The following MYNN variants were observed in gnomAD, a reference collection of about 807,000 sequenced individuals.
MYNN encodes myoneurin.
In MYNN, 22 loss-of-function variants were observed where a neutral mutation model predicts 57.2. The observed-to-expected ratio is 0.38, with a 90% confidence interval of 0.27 to 0.55. The LOEUF is 0.55. Among genes scored for constraint, MYNN ranks in the 20% least tolerant of loss-of-function variants. The probability of loss-of-function intolerance (pLI) is 0.71; values close to 1 mark genes in which losing one functional copy is unlikely to be tolerated. For synonymous variants in MYNN, 241 were observed against 257.1 expected (o/e 0.94, Z 0.60); for missense variants, 566 against 723.1 (o/e 0.78, Z 2.49).
chr3:169,778,972 A>G lies in MYNN; in HGVS notation c.471A>G (p.Glu157=). 6.2e-7 allele frequency: 1 copy of G among 1,613,798 alleles called. No homozygotes were observed. Among genetic ancestry groups the G allele is most frequent in the Non-Finnish European group, 8.5e-7 (1 of 1,180,012 alleles). ...ATTATAATAATCGAGAGAAATCAGA[A>G]GTATCTACAGATTTGATTCAGGCAA... is the stretch of plus-strand genomic sequence containing the variant. ...LRDYNNREKS[E]VSTDLIQANP... is the part of the protein sequence containing the mutation. The change falls in exon 3 of 8, where the codon GAA becomes GAG. Residue 157 remains glutamate, a synonymous_variant. Coordinates refer to ENST00000349841, the MANE Select transcript of MYNN (RefSeq NM_018657.5).
At chr3:169,779,594 A>C (rs776135712) in intron 3 of MYNN, 33 bp downstream of exon 3, 1 of 1,585,568 alleles carries the variant, frequency 6.3e-7, no homozygotes, top group East Asian at 2.2e-5. Context: ...TATTATTTTT[A>C]TACTGTGACT....
chr3:169,778,921 A>T lies in MYNN; in HGVS notation c.420A>T (p.Gln140His). ...TTACTGGAAACATTGAATTGAATCAACAGACTTGTCTTCTTACTCTGCGAG... is the reference window on the plus strand; with the variant it reads ...TTACTGGAAACATTGAATTGAATCATCAGACTTGTCTTCTTACTCTGCGAG... ...SSITGNIELN[Q>H]QTCLLTLRDY... The change falls in exon 3 of 8, where the codon CAA becomes CAT. Residue 140 changes from glutamine (Q) to histidine (H), a missense_variant. By Grantham distance (24) the Gln-to-His change is conservative (BLOSUM62 0). Transcript: ENST00000349841. 2.5e-6 allele frequency: 4 copies of T among 1,614,102 alleles called. No individual in the cohort carries two copies. The highest frequency in any genetic ancestry group is 3.4e-6 in the Non-Finnish European group (4 of 1,180,032).
rs1469871423 is a variant in MYNN, at chr3:169,786,574, C to T, written c.1729C>T (p.Leu577=). 2.5e-6 allele frequency: 4 copies of T among 1,613,554 alleles called. No individual in the cohort carries two copies. The African/African-American group carries it at 4.0e-5, about 16-fold the overall frequency. Residue 577 remains leucine, a synonymous_variant, in exon 8 of 8, where the codon CTG becomes TTG. Coordinates refer to ENST00000349841, the MANE Select transcript of MYNN (RefSeq NM_018657.5). ...PLGTEDHHML[L]PVTDTQSPTS... is the part of the protein sequence containing the mutation. The stretch of plus-strand genomic sequence containing the variant: ...TGGGACTGAGGACCATCACATGCTT[C>T]TGCCTGTCACGGATACTCAGTCTCC...
At chr3:169,783,647 T>A in intron 6 of MYNN, 87 bp downstream of exon 6, 2 of 873,142 alleles carry the variant, frequency 2.3e-6, no homozygotes, top group Non-Finnish European at 3.9e-6. Flanking sequence ...TTATGGACTA[T>A]ATGGTATTTA....
chr3:169,780,569 T>G, intron 3 of MYNN, 21 bp from the exon 4 acceptor site: 1 of 1,559,950 alleles, frequency 6.4e-7, no homozygotes, highest in Non-Finnish European at 8.7e-7. Flanking sequence ...CTTCTAAATA[T>G]AAATTTTATT....
In MYNN at chr3:169,788,042, T is replaced by G. The variant is rs1449672613; in HGVS notation, c.*1364T>G. 2.0e-5 allele frequency: 3 copies of G among 152,160 alleles called. No individual in the cohort carries two copies. The highest frequency in any genetic ancestry group is 2.9e-5 in the Non-Finnish European group (2 of 67,988). 9.4% of individuals were successfully genotyped at this position (152,160 alleles called of 1,614,324 possible). ...CTTATTTCTGCCATGCTGTGGCTTT[T>G]TTGTGTTCTGCTTTTAAACTACACC... On this transcript the variant is annotated 3_prime_UTR_variant, in exon 8 of 8. Coordinates refer to ENST00000349841, the MANE Select transcript of MYNN (RefSeq NM_018657.5).
chr3:169,780,333 T>C (rs1474377854), intron 3 of MYNN: 2 of 278,946 alleles, frequency 7.2e-6, no homozygotes, highest in Admixed American at 1.1e-4. Flanking sequence ...GCTGGGATTA[T>C]AGGCGTGAGC....
At position 169,787,159 on chromosome 3, in the gene MYNN, G is replaced by A. The variant is rs3772188; in HGVS notation, c.*481G>A. The A allele has an allele frequency of 8.4e-3, 1,277 of 152,738 alleles. 45 individuals are homozygous for A. In the East Asian group the frequency reaches 0.11, roughly 13 times the overall value. 9.5% of individuals were successfully genotyped at this position (152,738 alleles called of 1,614,324 possible). On this transcript the variant is annotated 3_prime_UTR_variant, in exon 8 of 8. Transcript: ENST00000349841. The stretch of plus-strand genomic sequence containing the variant: ...CATAAAAATAAAATTTCATATTTTC[G>A]CTCGTAAAAATTTAGGCGCTGAATA...
Position 169,782,389 on chromosome 3 carries a change from TAAAAAACTTTATGA to T in MYNN, c.1221-74_1221-61del. ...TTAAGATGACATGAAATAAAATCTA[TAAAAAACTTTATGA>T]ATTCTTGCTATATAGACTGACCTCC... is the stretch of plus-strand genomic sequence containing the variant. On this transcript the variant is annotated intron_variant, in intron 4 of 7. Coordinates refer to ENST00000349841, the MANE Select transcript of MYNN (RefSeq NM_018657.5). The surrounding 1 kb of genome is among the most constrained non-coding windows in gnomAD (Gnocchi z 4.8). The T allele has an allele frequency of 8.2e-7, 1 of 1,224,832 alleles. No homozygotes were observed. Among genetic ancestry groups the T allele is most frequent in the Non-Finnish European group, 1.1e-6 (1 of 882,778 alleles). The allele number at this position is 1,224,832 out of a possible 1,614,324, so 75.9% of individuals were successfully genotyped here. A position where few individuals can be genotyped will look rare whatever the true frequency, so the allele number is the denominator to read the frequency against.
chr3:169,779,877 G>T, intron 3 of MYNN: 1 of 301,464 alleles, frequency 3.3e-6, no homozygotes, highest in African/African-American at 2.1e-5. Flanking sequence ...TACAATTCAG[G>T]CCAATTTTCA....
chr3:169,782,567 G>A lies in MYNN; in HGVS notation c.1323G>A (p.Lys441=). 6.2e-7 allele frequency: 1 copy of A among 1,613,978 alleles called. No individual in the cohort carries two copies. The part of the protein sequence containing the change: ...TYHVRRHTGE[K]PYVCDTCGKA... ...ATGTCCGTAGGCATACTGGAGAAAA[G>A]CCTTATGTATGTGATACCTGTGGGA... is the stretch of plus-strand genomic sequence containing the variant. Residue 441 remains lysine, a synonymous_variant, in exon 5 of 8, where the codon AAG becomes AAA. Transcript: ENST00000349841. This position sits in a 1 kb window ranked among gnomAD's most constrained non-coding sequence, Gnocchi z 4.8.
rs1307832589 is a variant in MYNN at position 169,778,905 on chromosome 3, A to G, written c.404A>G (p.Asn135Ser). 6.2e-7 allele frequency: 1 copy of G among 1,614,114 alleles called. No individual in the cohort carries two copies. The highest frequency in any genetic ancestry group is 1.1e-5 in the South Asian group (1 of 91,084). The part of the protein sequence containing the change: ...SSTEISSITG[N>S]IELNQQTCLL... Reference sequence around the variant, plus strand: ...ACAGAGATATCTAGTATTACTGGAAACATTGAATTGAATCAACAGACTTGT... The same window carrying G: ...ACAGAGATATCTAGTATTACTGGAAGCATTGAATTGAATCAACAGACTTGT... The change falls in exon 3 of 8, where the codon AAC (asparagine) becomes AGC (serine). Residue 135 changes from asparagine to serine, a missense_variant. Physicochemically the swap from Asn to Ser is conservative, Grantham distance 46 (BLOSUM62 1). Coordinates refer to ENST00000349841, the MANE Select transcript of MYNN (RefSeq NM_018657.5).
Position 169,788,876 on chromosome 3 carries a change from C to T in MYNN, c.*2198C>T, listed in dbSNP as rs775565592. On this transcript the variant is annotated 3_prime_UTR_variant, in exon 8 of 8. Transcript: ENST00000349841. ...CTCTTAATGCTATGCTATTATTTAT[C>T]ATAATATGCATATATTTAGTTGTAT... 1.3e-5 allele frequency: 2 copies of T among 152,116 alleles called. No individual in the cohort carries two copies. The highest frequency in any genetic ancestry group is 1.5e-5 in the Non-Finnish European group (1 of 67,992). The allele number at this position is 152,116 out of a possible 1,614,324, so 9.4% of individuals were successfully genotyped here. A position where few individuals can be genotyped will look rare whatever the true frequency, so the allele number is the denominator to read the frequency against.
chr3:169,778,563 T>G, intron 2 of MYNN: 1 of 468,508 alleles, frequency 2.1e-6, no homozygotes, highest in Non-Finnish European at 3.7e-6. Flanking sequence ...CCATTATCTT[T>G]CATCTCTTGA....
intron 2 of MYNN, chr3:169,777,293 A>AT (rs908890484): frequency 2.0e-5 from 3 of 152,134 alleles, no homozygotes; most frequent in African/African-American, 7.2e-5. Context: ...GACACTAGTT[A>AT]TTTTTTATTT....
At chr3:169,783,717 G>GT (rs564304020) in intron 6 of MYNN, 157 bp downstream of exon 6, 14,175 of 523,384 alleles carry the variant, frequency 0.027, no homozygotes, top group East Asian at 0.036. Context: ...TGCTTATTTT[G>GT]TTTTTTTTTT....
chr3:169,787,714 A>G lies in MYNN; in HGVS notation c.*1036A>G, dbSNP rs758165477. On this transcript the variant is annotated 3_prime_UTR_variant, in exon 8 of 8. Transcript: ENST00000349841. ...TAAATATTTTATATCTGAGTTTTCT[A>G]TAAGTTTGGGGTTTGTTAATTTTAT... 6.6e-6 allele frequency: 1 copy of G among 152,158 alleles called. No individual in the cohort carries two copies. Among genetic ancestry groups the G allele is most frequent in the Non-Finnish European group, 1.5e-5 (1 of 67,974 alleles). The allele number at this position is 152,158 out of a possible 1,614,324, so 9.4% of individuals were successfully genotyped here.
intron 2 of MYNN, among the ~76,000 whole-genome samples, chr3:169,775,299 A>G (rs1778301646): frequency 6.6e-6 from 1 of 152,196 alleles, no homozygotes; most frequent in South Asian, 2.1e-4. Flanking sequence ...TGTATAACGA[A>G]CCATATAATT....
At chr3:169,774,220 T>A in intron 1 of MYNN, 45 bp from the exon 2 acceptor site, 1 of 1,455,226 alleles carries the variant, frequency 6.9e-7, no homozygotes, top group South Asian at 1.2e-5. Context: ...TGAACGTTGA[T>A]GAGAACTTAC....
Sources: allele counts gnomAD v4.1 joint callset (sites outside exome capture counted in the v4.1 genomes callset), GRCh38; gene constraint gnomAD v4.1.1; non-coding constraint Gnocchi (gnomAD v3.1); transcripts MANE v1.5; gene names NCBI Gene and HGNC (gene_info 2026-07-23, HGNC 2026-07-21).